The following NFIB variants were observed in gnomAD, a reference collection of about 807,000 sequenced individuals.
The protein encoded by NFIB is nuclear factor I B.
A neutral mutation model predicts 61.5 loss-of-function variants in NFIB; 11 were observed. The ratio of observed to expected loss-of-function variants is 0.18; its 90% CI spans 0.11 to 0.30. NFIB has a LOEUF of 0.30. NFIB is among the 10% of genes least tolerant of loss of function. The pLI, the probability that NFIB is intolerant of heterozygous loss-of-function variation, is 1.00. For missense variants in NFIB, 471 were observed against 608.9 expected (o/e 0.77, Z 2.38); for synonymous variants, 260 against 216.5 (o/e 1.20, Z -1.76).
At chr9:14,174,666 C>A (rs1382775059) in intron 3 of NFIB, among the ~76,000 whole-genome samples, 2 of 150,660 alleles carry the variant, frequency 1.3e-5, no homozygotes, top group Non-Finnish European at 2.9e-5. Context: ...ACTCAGGAGG[C>A]TGAGGCAGGA....
At chr9:14,154,113 CTTTGT>C (rs2043139737) in intron 4 of NFIB, among the ~76,000 whole-genome samples, 1 of 151,976 alleles carries the variant, frequency 6.6e-6, no homozygotes, top group South Asian at 2.1e-4. Flanking sequence ...TAATTTTCAT[CTTTGT>C]TTTAATGTTT....
intron 2 of NFIB, among the ~76,000 whole-genome samples, chr9:14,192,145 T>C (rs1260686007): frequency 6.6e-6 from 1 of 152,196 alleles, no homozygotes; most frequent in Non-Finnish European, 1.5e-5. Context: ...GTCTTAAAGA[T>C]TGCTTCTAAT....
At chr9:14,354,780 C>CTGTGTGTGTGTGTG (rs67877825) in intron 1 of NFIB, among the ~76,000 whole-genome samples, 89 of 145,880 alleles carry the variant, frequency 6.1e-4, no homozygotes, top group African/African-American at 2.0e-3. Flanking sequence ...AATGGGTACT[C>CTGTGTGTGTGTGTG]TGTGTGTGTG....
At chr9:14,153,288 C>G (rs141789965) in intron 4 of NFIB, among the ~76,000 whole-genome samples, 22 of 152,056 alleles carry the variant, frequency 1.4e-4, no homozygotes, top group Non-Finnish European at 2.6e-4. Flanking sequence ...TTAACAAACA[C>G]GGCCAAAGTA....
At chr9:14,414,431 C>CAA in the NFIB span, among the ~76,000 whole-genome samples, 196 of 56,486 alleles carry the variant, frequency 3.5e-3, no homozygotes, top group African/African-American at 8.9e-3. Context: ...GAGACTGTCT[C>CAA]AAAAAAAAAA....
intron 2 of NFIB, among the ~76,000 whole-genome samples, chr9:14,212,637 G>GA (rs35209592): frequency 0.14 from 19,797 of 145,426 alleles, 1,312 homozygotes; most frequent in Middle Eastern, 0.15. Flanking sequence ...ATTCCTCTGG[G>GA]AAAAAAAAAA....
intron 2 of NFIB, among the ~76,000 whole-genome samples, chr9:14,223,765 A>T (rs907114067): frequency 1.3e-5 from 2 of 152,200 alleles, no homozygotes; most frequent in Non-Finnish European, 2.9e-5. Flanking sequence ...CAATTCCTCT[A>T]AATATACTAA....
At chr9:14,156,146 G>A (rs538191436) in intron 3 of NFIB, among the ~76,000 whole-genome samples, 1 of 152,066 alleles carries the variant, frequency 6.6e-6, no homozygotes, top group Non-Finnish European at 1.5e-5. Flanking sequence ...TTATTGATGC[G>A]GTTTGATTTG....
chr9:14,437,555 G>T, the NFIB span, among the ~76,000 whole-genome samples: 11 of 152,210 alleles, frequency 7.2e-5, no homozygotes, highest in Non-Finnish European at 1.3e-4. Context: ...TGTTCCACGT[G>T]AGAGAGCCTG....
chr9:14,331,530 A>G (rs2060820473), intron 1 of NFIB, among the ~76,000 whole-genome samples: 1 of 152,218 alleles, frequency 6.6e-6, no homozygotes, highest in African/African-American at 2.4e-5. Context: ...TTCATTCAAT[A>G]CCCTGTGGGG....
the NFIB span, among the ~76,000 whole-genome samples, chr9:14,495,145 G>C: frequency 2.6e-5 from 4 of 152,142 alleles, no homozygotes; most frequent in Admixed American, 1.3e-4. Flanking sequence ...CAGCGTTCCT[G>C]TTTACATCCC....
chr9:14,287,789 C>T (rs996674364), intron 2 of NFIB, among the ~76,000 whole-genome samples: 1 of 152,022 alleles, frequency 6.6e-6, no homozygotes, highest in African/African-American at 2.4e-5. Flanking sequence ...GAAGAGGCAT[C>T]ATTTACAGAG....
At chr9:14,277,688 G>C (rs372618970) in intron 2 of NFIB, among the ~76,000 whole-genome samples, 17 of 152,262 alleles carry the variant, frequency 1.1e-4, no homozygotes, top group South Asian at 4.1e-4. Flanking sequence ...TCTGCAGATA[G>C]ACCTAAAGTA....
At chr9:14,388,296 G>GC in intron 1 of NFIB, among the ~76,000 whole-genome samples, 1 of 151,896 alleles carries the variant, frequency 6.6e-6, no homozygotes, top group East Asian at 1.9e-4. Flanking sequence ...GATTAATTGA[G>GC]CCTGGGAGGT....
the NFIB span, among the ~76,000 whole-genome samples, chr9:14,460,892 C>A: frequency 3.3e-5 from 5 of 152,154 alleles, no homozygotes; most frequent in Non-Finnish European, 7.4e-5. Context: ...TTACTCCTTT[C>A]CCTATCTTGT....
chr9:14,216,539 TCTCC>T (rs1248835145), intron 2 of NFIB, among the ~76,000 whole-genome samples: 536 of 29,348 alleles, frequency 0.018, 6 homozygotes, highest in East Asian at 0.13. Flanking sequence ...TCTCTCTCTC[TCTCC>T]CTCTGTGTGT....
Position 14,082,695 on chromosome 9 carries a change from TG to T in NFIB, c.*5613del, listed in dbSNP as rs2032173801. 1 of 199,896 alleles carries T rather than the reference TG, an allele frequency of 5.0e-6. No individual in the cohort carries two copies. Among genetic ancestry groups the T allele is most frequent in the Non-Finnish European group, 1.0e-5 (1 of 97,236 alleles). 12.4% of individuals were successfully genotyped at this position (199,896 alleles called of 1,614,324 possible). Reference sequence around the variant, plus strand: ...TTTTTTTTTTTGTTTGTTTCTTTCTTGTTTTGCATCAACTTTTATCAGTCCA... The same window carrying T: ...TTTTTTTTTTTGTTTGTTTCTTTCTTTTTTGCATCAACTTTTATCAGTCCA... On this transcript the variant is annotated 3_prime_UTR_variant, in exon 11 of 11. Coordinates refer to ENST00000380953, the MANE Select transcript of NFIB (RefSeq NM_001190737.2).
chr9:14,323,175 A>T (rs558143275), intron 1 of NFIB, among the ~76,000 whole-genome samples: 1 of 152,280 alleles, frequency 6.6e-6, no homozygotes, highest in South Asian at 2.1e-4. Flanking sequence ...ACTTTGACTT[A>T]TATTGATAGG....
chr9:14,377,299 C>T (rs1048204433), intron 1 of NFIB, among the ~76,000 whole-genome samples: 1 of 152,212 alleles, frequency 6.6e-6, no homozygotes, highest in Non-Finnish European at 1.5e-5. Context: ...AAGCTCACTC[C>T]AGCCTCAAAC....
Sources: gnomAD v4.1 joint callset for allele counts (sites outside exome capture counted in the v4.1 genomes callset) on GRCh38, gnomAD v4.1.1 for gene constraint, MANE v1.5 for transcripts, NCBI Gene and HGNC (gene_info 2026-07-23, HGNC 2026-07-21) for gene names.